The following LCP2 variants were observed in gnomAD, a reference collection of about 807,000 sequenced individuals.
The protein encoded by LCP2 is lymphocyte cytosolic protein 2, also known as 76 kDa tyrosine phosphoprotein.
LCP2 carries 29 observed loss-of-function variants against 74.5 expected under a neutral mutation model. The observed-to-expected ratio is 0.39, with a 90% CI of 0.29 to 0.53. The LOEUF is 0.53. Ranked by LOEUF, LCP2 falls within the 20% of genes least tolerant of loss-of-function variation. The pLI is 0.72. For missense variants in LCP2, 604 were observed against 634.6 expected, an observed-to-expected ratio of 0.95 and a Z score of 0.52; for synonymous variants, 228 against 229.5, an observed-to-expected ratio of 0.99 and a Z score of 0.06.
intron 3 of LCP2, among the ~76,000 whole-genome samples, chr5:170,280,112 T>C (rs1561975179): frequency 1.3e-5 from 2 of 152,090 alleles, no homozygotes; most frequent in Non-Finnish European, 1.5e-5. Flanking sequence ...TGTACTGGCT[T>C]ATGATGTAGA....
chr5:170,253,351 A>C (rs573549553), intron 17 of LCP2, 138 bp from the exon 18 acceptor site: 3 of 526,972 alleles, frequency 5.7e-6, no homozygotes, highest in African/African-American at 3.9e-5. Context: ...TTAAGAAACA[A>C]GGGCTTCAAA....
intron 1 of LCP2, among the ~76,000 whole-genome samples, chr5:170,293,928 A>G (rs1168359835): frequency 1.3e-5 from 2 of 152,204 alleles, no homozygotes; most frequent in Non-Finnish European, 2.9e-5. Flanking sequence ...GAACATTTAG[A>G]TTATTTACCA....
chr5:170,276,207 G>A (rs1189074435), intron 3 of LCP2, among the ~76,000 whole-genome samples: 5 of 152,178 alleles, frequency 3.3e-5, no homozygotes, highest in African/African-American at 7.2e-5. Flanking sequence ...ATCTGGATAC[G>A]ATAGCTGTGT....
At chr5:170,289,613 TTCTTTTTCTTTCTTTCTTTC>T (rs1179597955) in intron 2 of LCP2, among the ~76,000 whole-genome samples, 10 of 144,006 alleles carry the variant, frequency 6.9e-5, no homozygotes, top group Non-Finnish European at 1.1e-4. Flanking sequence ...CTTTCTTTCT[TTCTTTTTCTTTCTTTCTTTC>T]TTTCTTTCTT....
intron 10 of LCP2, among the ~76,000 whole-genome samples, chr5:170,266,492 A>G (rs557486360): frequency 6.6e-6 from 1 of 152,296 alleles, no homozygotes; most frequent in Admixed American, 6.5e-5. Flanking sequence ...CTGAAGGACA[A>G]TGGGATTTGT....
rs1761291651 is a variant in LCP2 at position 170,246,331 on chromosome 5, T to C, written c.*2366A>G. On this transcript the variant is annotated 3_prime_UTR_variant, in exon 21 of 21. Coordinates refer to ENST00000046794, the MANE Select transcript of LCP2 (RefSeq NM_005565.5). ...TAGGAAATTGGCCATGGGTCACTGC[T>C]TATCCTTTAGCTTATGCTTGAATTT... is the stretch of plus-strand genomic sequence containing the variant. 5.4e-6 allele frequency: 2 copies of C among 371,678 alleles called. No homozygotes were observed. The highest frequency in any genetic ancestry group is 5.4e-5 in the South Asian group (1 of 18,574). 23.0% of individuals were successfully genotyped at this position (371,678 alleles called of 1,614,324 possible). A position where few individuals can be genotyped will look rare whatever the true frequency, so the allele number is the denominator to read the frequency against.
chr5:170,256,725 G>A lies in LCP2; in HGVS notation c.1101-150C>T. On this transcript the variant is annotated intron_variant, in intron 16 of 20. Coordinates refer to ENST00000046794, the MANE Select transcript of LCP2 (RefSeq NM_005565.5). This position sits in a 1 kb window ranked among gnomAD's most constrained non-coding sequence, Gnocchi z 4.5. ...CAAAACCATGGGGGCTGGGCACAGG[G>A]ACAGAACACAGCACACAGGGAATGG... The A allele has an allele frequency of 1.5e-6, 1 of 666,494 alleles. No homozygotes were observed. The highest frequency in any genetic ancestry group is 2.7e-6 in the Non-Finnish European group (1 of 363,940). The allele number at this position is 666,494 out of a possible 1,614,324, so 41.3% of individuals were successfully genotyped here.
At chr5:170,275,257 G>T (rs1581068307) in intron 5 of LCP2, 63 bp downstream of exon 5, 1 of 1,572,998 alleles carries the variant, frequency 6.4e-7, no homozygotes, top group Non-Finnish European at 8.7e-7. Flanking sequence ...AACCAGAAAG[G>T]CAAGAAAACT....
At chr5:170,281,415 G>A (rs563013133) in intron 3 of LCP2, among the ~76,000 whole-genome samples, 7 of 152,148 alleles carry the variant, frequency 4.6e-5, no homozygotes, top group Non-Finnish European at 8.8e-5. Context: ...GAGTAGCTGG[G>A]ACTACAGGTG....
At chr5:170,267,647 TC>T (rs1160700391) in intron 8 of LCP2, among the ~76,000 whole-genome samples, 10 of 150,218 alleles carry the variant, frequency 6.7e-5, no homozygotes, top group Admixed American at 6.6e-4. Flanking sequence ...ACTCAAATGA[TC>T]TCTTTCAGAC....
intron 12 of LCP2, 48 bp downstream of exon 12, chr5:170,262,794 G>A (rs1364872635): frequency 6.2e-7 from 1 of 1,613,662 alleles, no homozygotes; most frequent in East Asian, 2.2e-5. Context: ...CCGAGGCAGA[G>A]TTCTACAGAA....
rs1028533662 is a variant in LCP2, at chr5:170,285,081, G to GT, written c.188+2888dup. Among the ~76,000 whole-genome samples the GT allele has an allele frequency of 5.3e-4, 81 of 151,982 alleles. 1 individual carries two copies. Among genetic ancestry groups the GT allele is most frequent in the African/African-American group, 1.8e-3 (74 of 41,464 alleles). ...ATGCTCTTTTCAGTGTTTTGTTTTA[G>GT]TTTTTTTTCTCTGTGAGTTTCAATT... On this transcript the variant is annotated intron_variant, in intron 3 of 20. Transcript: ENST00000046794.
intron 7 of LCP2, among the ~76,000 whole-genome samples, chr5:170,270,113 G>A (rs924034778): frequency 2.0e-5 from 3 of 152,274 alleles, no homozygotes; most frequent in African/African-American, 7.2e-5. Flanking sequence ...GGAGGCAGGG[G>A]CTATTTCTTC....
intron 16 of LCP2, 46 bp downstream of exon 16, chr5:170,257,991 A>G: frequency 1.3e-6 from 2 of 1,596,632 alleles, no homozygotes; most frequent in South Asian, 1.1e-5. Flanking sequence ...TACTGGATGG[A>G]CCTAAACATT....
rs1376873608 is a variant in LCP2 at position 170,258,180 on chromosome 5, G to A, written c.971-14C>T. On this transcript the variant is annotated splice_polypyrimidine_tract_variant and intron_variant, in intron 15 of 20. Transcript: ENST00000046794. ...GTCTCTGATGCACTGTGCAGAAGTA[G>A]AAAACAATGAATGAGATTGGCAGGC... 1.2e-6 allele frequency: 2 copies of A among 1,613,184 alleles called. No homozygotes were observed. Among genetic ancestry groups the A allele is most frequent in the African/African-American group, 1.3e-5 (1 of 74,890 alleles).
chr5:170,294,334 C>T (rs1762336170), intron 1 of LCP2, among the ~76,000 whole-genome samples: 1 of 152,130 alleles, frequency 6.6e-6, no homozygotes, highest in South Asian at 2.1e-4. Context: ...AACCTCAGAA[C>T]CGAGTTATAT....
chr5:170,292,373 C>A (rs1345821527), intron 2 of LCP2, among the ~76,000 whole-genome samples: 2 of 152,010 alleles, frequency 1.3e-5, no homozygotes, highest in Non-Finnish European at 1.5e-5. Flanking sequence ...GTGAGCTCAC[C>A]ATCACTGAAG....
At chr5:170,275,411 T>G in intron 4 of LCP2, 60 bp from the exon 5 acceptor site, 1 of 1,589,576 alleles carries the variant, frequency 6.3e-7, no homozygotes, top group South Asian at 1.1e-5. Context: ...TCTCCCTCTT[T>G]CCTCAACCTG....
chr5:170,274,872 G>GCACCC (rs1393376640), intron 5 of LCP2, among the ~76,000 whole-genome samples: 1 of 151,974 alleles, frequency 6.6e-6, no homozygotes, highest in Non-Finnish European at 1.5e-5. Context: ...AGCTACTCGG[G>GCACCC]AGGCTGAGGC....
Sources: allele counts gnomAD v4.1 joint callset (sites outside exome capture counted in the v4.1 genomes callset), GRCh38; gene constraint gnomAD v4.1.1; non-coding constraint Gnocchi (gnomAD v3.1); transcripts MANE v1.5; gene names NCBI Gene and HGNC (gene_info 2026-07-23, HGNC 2026-07-21).